RAB11A: variants seen among roughly 807,000 people sequenced by gnomAD.
RAB11A encodes the protein ras-related protein Rab-11A.
In RAB11A, 9 loss-of-function variants were observed where a neutral mutation model predicts 28.0. The observed-to-expected ratio is 0.32, with a 90% confidence interval of 0.19 to 0.56. The LOEUF is 0.56. Among genes scored for constraint, RAB11A ranks in the 20% least tolerant of loss-of-function variants. The pLI is 0.91. For synonymous variants in RAB11A, 85 were observed against 88.2 expected (o/e 0.96, Z 0.20); for missense variants, 108 against 269.6 (o/e 0.40, Z 4.20).
intron 4 of RAB11A, among the ~76,000 whole-genome samples, chr15:65,883,881 A>T (rs986943108): frequency 1.3e-4 from 19 of 151,534 alleles, no homozygotes; most frequent in African/African-American, 4.6e-4. Flanking sequence ...AAATTTCCAT[A>T]AAAAAAAAGT....
rs1567140389 is a variant in RAB11A at position 65,889,323 on chromosome 15, T to G, written c.*1483T>G. The G allele has an allele frequency of 6.6e-6, 1 of 152,360 alleles. No individual in the cohort carries two copies. Among genetic ancestry groups the G allele is most frequent in the Non-Finnish European group, 1.5e-5 (1 of 68,022 alleles). 9.4% of individuals were successfully genotyped at this position (152,360 alleles called of 1,614,324 possible). A position where few individuals can be genotyped will look rare whatever the true frequency, so the allele number is the denominator to read the frequency against. ...ATAGCCATTTTATTATTTTAGTGTATTAGTTATGAAGATAATATTATCTAT... is the reference window on the plus strand; with the variant it reads ...ATAGCCATTTTATTATTTTAGTGTAGTAGTTATGAAGATAATATTATCTAT... On this transcript the variant is annotated 3_prime_UTR_variant, in exon 5 of 5. Coordinates refer to ENST00000261890, the MANE Select transcript of RAB11A (RefSeq NM_004663.5).
intron 3 of RAB11A, among the ~76,000 whole-genome samples, chr15:65,879,392 T>G (rs2078208191): frequency 6.6e-6 from 1 of 152,130 alleles, no homozygotes; most frequent in African/African-American, 2.4e-5. Flanking sequence ...ATGCCTGTAA[T>G]CTCAGCATTT....
At position 65,891,537 on chromosome 15, in the gene RAB11A, A is replaced by G. The variant is rs554351656; in HGVS notation, c.*3697A>G. 6 of 152,340 alleles carry G rather than the reference A, an allele frequency of 3.9e-5. No individual in the cohort carries two copies. The highest frequency in any genetic ancestry group is 2.1e-4 in the South Asian group (1 of 4,828). 9.4% of individuals were successfully genotyped at this position (152,340 alleles called of 1,614,324 possible). A position where few individuals can be genotyped will look rare whatever the true frequency, so the allele number is the denominator to read the frequency against. On this transcript the variant is annotated 3_prime_UTR_variant, in exon 5 of 5. Coordinates refer to ENST00000261890, the MANE Select transcript of RAB11A (RefSeq NM_004663.5). Reference sequence around the variant, plus strand: ...CATTTTTGAGCCTCACATTCTTCCAATTAATGAGGGTACCAGATTAAATAA... The same window carrying G: ...CATTTTTGAGCCTCACATTCTTCCAGTTAATGAGGGTACCAGATTAAATAA...
In RAB11A at chr15:65,879,846, G is replaced by A. The variant is rs1052196205; in HGVS notation, c.511+95G>A. ...TCAGTAACTAAACTATATATCAGCC[G>A]AGAGTGACTATCATTTGAGAGCTAC... On this transcript the variant is annotated intron_variant, in intron 4 of 4. Transcript: ENST00000261890. 5.4e-6 allele frequency: 5 copies of A among 923,246 alleles called. No individual in the cohort carries two copies. The Admixed American group carries it at 7.7e-5, about 14-fold the overall frequency. 57.2% of individuals were successfully genotyped at this position (923,246 alleles called of 1,614,324 possible).
chr15:65,887,053 TG>T (rs372932539), intron 4 of RAB11A, among the ~76,000 whole-genome samples: 37 of 152,312 alleles, frequency 2.4e-4, no homozygotes, highest in African/African-American at 8.4e-4. Flanking sequence ...TGTGGTACAA[TG>T]TCATTGTGTG....
At position 65,889,717 on chromosome 15, in the gene RAB11A, T is replaced by C. The variant is rs919020122; in HGVS notation, c.*1877T>C. ...AGGAAAAGAAACCATCTCTATTTTA[T>C]TGAAAGTTGGTGGTAGATTTTTTAC... On this transcript the variant is annotated 3_prime_UTR_variant, in exon 5 of 5. Transcript: ENST00000261890. The C allele has an allele frequency of 1.7e-4, 26 of 152,224 alleles. No homozygotes were observed. The highest frequency in any genetic ancestry group is 3.5e-4 in the Non-Finnish European group (24 of 68,044). 9.4% of individuals were successfully genotyped at this position (152,224 alleles called of 1,614,324 possible). A position where few individuals can be genotyped will look rare whatever the true frequency, so the allele number is the denominator to read the frequency against.
chr15:65,886,926 G>A (rs772304885), intron 4 of RAB11A, among the ~76,000 whole-genome samples: 1 of 152,118 alleles, frequency 6.6e-6, no homozygotes, highest in Non-Finnish European at 1.5e-5. Flanking sequence ...TGTTCAGGAG[G>A]TCACTGATAA....
chr15:65,887,879 A>G lies in RAB11A; in HGVS notation c.*39A>G. 5 of 1,481,150 alleles carry G rather than the reference A, an allele frequency of 3.4e-6. No individual in the cohort carries two copies. Among genetic ancestry groups the G allele is most frequent in the Non-Finnish European group, 4.5e-6 (5 of 1,111,860 alleles). The allele number at this position is 1,481,150 out of a possible 1,614,324, so 91.8% of individuals were successfully genotyped here. On this transcript the variant is annotated 3_prime_UTR_variant, in exon 5 of 5. Coordinates refer to ENST00000261890, the MANE Select transcript of RAB11A (RefSeq NM_004663.5). Reference sequence around the variant, plus strand: ...TCCCCTAGAAGGCTGTGTATAGTCCATTTCCCAGGTCTGAGATTTAAATAT... The same window carrying G: ...TCCCCTAGAAGGCTGTGTATAGTCCGTTTCCCAGGTCTGAGATTTAAATAT...
In RAB11A at chr15:65,877,320, TTG is replaced by T. The variant is rs772890012; in HGVS notation, c.41-10_41-9del. 4 of 1,599,198 alleles carry T rather than the reference TTG, an allele frequency of 2.5e-6. No individual in the cohort carries two copies. The South Asian group carries it at 3.3e-5, about 13-fold the overall frequency. On this transcript the variant is annotated splice_polypyrimidine_tract_variant and intron_variant, in intron 1 of 4. Coordinates refer to ENST00000261890, the MANE Select transcript of RAB11A (RefSeq NM_004663.5). The surrounding 1 kb of genome is among the most constrained non-coding windows in gnomAD (Gnocchi z 4.1). Reference sequence around the variant, plus strand: ...CCTCATTCATCTGACATTGAATTCTTTGTCTTTCCAGTTGTCCTTATTGGAGA... The same window carrying T: ...CCTCATTCATCTGACATTGAATTCTTTCTTTCCAGTTGTCCTTATTGGAGA...
chr15:65,878,083 A>T (rs755747458), intron 3 of RAB11A, 128 bp downstream of exon 3: 1 of 1,008,268 alleles, frequency 9.9e-7, no homozygotes, highest in African/African-American at 1.6e-5. Flanking sequence ...AATTGTTTTG[A>T]AAGTTTGTGA....
chr15:65,870,466 C>A (rs553868396), intron 1 of RAB11A, among the ~76,000 whole-genome samples: 17 of 152,360 alleles, frequency 1.1e-4, no homozygotes, highest in Non-Finnish European at 1.8e-4. Context: ...CTTTTCTTTT[C>A]TTGCCCTCCC....
At chr15:65,887,314 C>T (rs907260736) in intron 4 of RAB11A, among the ~76,000 whole-genome samples, 1 of 152,118 alleles carries the variant, frequency 6.6e-6, no homozygotes, top group Non-Finnish European at 1.5e-5. Flanking sequence ...GCTGGGATTA[C>T]AGGCACCCAC....
chr15:65,873,932 A>G (rs571316776), intron 1 of RAB11A, among the ~76,000 whole-genome samples: 4 of 152,134 alleles, frequency 2.6e-5, no homozygotes, highest in Admixed American at 1.3e-4. Flanking sequence ...AGGTTGGACT[A>G]TGAATATAGT....
chr15:65,880,357 C>G (rs953249611), intron 4 of RAB11A, among the ~76,000 whole-genome samples: 2 of 152,140 alleles, frequency 1.3e-5, no homozygotes, highest in African/African-American at 4.8e-5. Flanking sequence ...GAAGTGTTCA[C>G]TCATATTTAT....
At chr15:65,874,287 C>CGCGATTTCAGCTTACT (rs1271399128) in intron 1 of RAB11A, among the ~76,000 whole-genome samples, 1 of 149,792 alleles carries the variant, frequency 6.7e-6, no homozygotes, top group African/African-American at 2.5e-5. Flanking sequence ...AGTGCAATGG[C>CGCGATTTCAGCTTACT]GCGATTTCAG....
intron 1 of RAB11A, among the ~76,000 whole-genome samples, chr15:65,872,504 G>A (rs1291511960): frequency 2.0e-5 from 3 of 149,142 alleles, no homozygotes; most frequent in African/African-American, 5.0e-5. Flanking sequence ...ACGCGATCTC[G>A]GCTCATTGCA....
At position 65,881,542 on chromosome 15, in the gene RAB11A, A is replaced by T. The variant is rs565095889; in HGVS notation, c.511+1791A>T. Among the ~76,000 whole-genome samples, 15 of 152,316 alleles carry T rather than the reference A, an allele frequency of 9.8e-5. 1 individual carries two copies. In the South Asian group the frequency reaches 2.9e-3, roughly 29 times the overall value. ...TTGGAATATTTTTTATGTTCCATCAAATCTCCTCTGCTGTAATTCTGGCCC... is the reference window on the plus strand; with the variant it reads ...TTGGAATATTTTTTATGTTCCATCATATCTCCTCTGCTGTAATTCTGGCCC... On this transcript the variant is annotated intron_variant, in intron 4 of 4. Transcript: ENST00000261890.
intron 4 of RAB11A, among the ~76,000 whole-genome samples, chr15:65,885,545 A>C (rs1342693798): frequency 6.6e-6 from 1 of 152,232 alleles, no homozygotes; most frequent in Non-Finnish European, 1.5e-5. Flanking sequence ...TCACATGTAT[A>C]GGAGCCAAGG....
At chr15:65,887,603 G>A in intron 4 of RAB11A, 98 bp from the exon 5 acceptor site, 2 of 1,191,702 alleles carry the variant, frequency 1.7e-6, no homozygotes, top group Non-Finnish European at 2.3e-6. Flanking sequence ...TTTCCTTAGG[G>A]ACTTTGATGC....
Sources: allele counts gnomAD v4.1 joint callset (sites outside exome capture counted in the v4.1 genomes callset), GRCh38; gene constraint gnomAD v4.1.1; non-coding constraint Gnocchi (gnomAD v3.1); transcripts MANE v1.5; gene names NCBI Gene and HGNC (gene_info 2026-07-23, HGNC 2026-07-21).